Variants in CNBD1 observed in about 807,000 individuals in gnomAD.
CNBD1 encodes cyclic nucleotide binding domain containing 1.
CNBD1 carries 71 observed loss-of-function variants against 54.4 expected under a neutral mutation model. The observed-to-expected ratio is 1.30, with a 90% confidence interval of 1.08 to 1.59. The LOEUF (loss-of-function observed/expected upper bound fraction) is 1.59. CNBD1 is among the 40% of genes most tolerant of loss of function. CNBD1 has a pLI of 0.00. For synonymous variants in CNBD1, 182 were observed against 170.7 expected (o/e 1.07, Z -0.51); for missense variants, 659 against 518.0 (o/e 1.27, Z -2.64).
intron 4 of CNBD1, among the ~76,000 whole-genome samples, chr8:87,144,405 A>G (rs1812439025): frequency 6.6e-6 from 1 of 152,236 alleles, no homozygotes; most frequent in Non-Finnish European, 1.5e-5. Context: ...ATGACTTCAG[A>G]TATTGGAATG....
At chr8:87,154,949 G>A (rs1015328307) in intron 4 of CNBD1, among the ~76,000 whole-genome samples, 1 of 152,082 alleles carries the variant, frequency 6.6e-6, no homozygotes, top group Non-Finnish European at 1.5e-5. Context: ...GGTAAATTTA[G>A]GAGGAGTTAA....
intron 8 of CNBD1, among the ~76,000 whole-genome samples, chr8:87,323,942 C>T (rs370235582): frequency 4.3e-5 from 6 of 138,246 alleles, no homozygotes; most frequent in East Asian, 2.0e-4. Flanking sequence ...TGTGGGTTTG[C>T]CATAGATAGC....
intron 4 of CNBD1, among the ~76,000 whole-genome samples, chr8:87,015,283 T>C (rs563307667): frequency 3.1e-4 from 47 of 152,198 alleles, no homozygotes; most frequent in African/African-American, 9.6e-4. Context: ...CCCAGGTTCA[T>C]GCCATTCTCT....
chr8:86,867,034 C>T (rs1241715254), intron 1 of CNBD1, among the ~76,000 whole-genome samples: 2 of 151,986 alleles, frequency 1.3e-5, no homozygotes, highest in African/African-American at 4.8e-5. Flanking sequence ...AAGATAATTC[C>T]TACTATTCTG....
chr8:86,994,594 A>G (rs949024695), intron 4 of CNBD1, among the ~76,000 whole-genome samples: 1 of 152,206 alleles, frequency 6.6e-6, no homozygotes, highest in Non-Finnish European at 1.5e-5. Flanking sequence ...TAGCATCCCC[A>G]TGGTCCACAG....
intron 10 of CNBD1, among the ~76,000 whole-genome samples, chr8:87,375,958 T>G (rs142098180): frequency 7.2e-5 from 11 of 151,968 alleles, no homozygotes; most frequent in Non-Finnish European, 1.5e-4. Context: ...AGAATTGTAC[T>G]TTCTGCGATA....
chr8:87,230,263 C>T (rs1814648581), intron 5 of CNBD1, among the ~76,000 whole-genome samples: 2 of 152,190 alleles, frequency 1.3e-5, no homozygotes, highest in Admixed American at 6.5e-5. Flanking sequence ...GAGGCCACAT[C>T]TCCAACACTG....
At chr8:87,384,293 C>T (rs541841977), downstream of CNBD1, among the ~76,000 whole-genome samples, 11 of 152,156 alleles carry the variant, frequency 7.2e-5, no homozygotes, top group Non-Finnish European at 1.5e-4. Context: ...ATGTGACAGG[C>T]ACTCTTCTAA....
rs552925837 is a variant in CNBD1, at chr8:87,151,054, A to G, written c.432-54939A>G. Among the ~76,000 whole-genome samples, 12 of 152,340 alleles carry G rather than the reference A, an allele frequency of 7.9e-5. No homozygotes were observed. The South Asian group carries it at 2.5e-3, about 32-fold the overall frequency. ...TTTAAGGTTAATGCTGTCTTCTTCA[A>G]TTACCAGAGGAATTCACAGATCTAA... On this transcript the variant is annotated intron_variant, in intron 4 of 10. Transcript: ENST00000518476.
At chr8:87,243,378 G>A (rs547466418) in intron 6 of CNBD1, among the ~76,000 whole-genome samples, 2 of 152,276 alleles carry the variant, frequency 1.3e-5, no homozygotes, top group East Asian at 3.9e-4. Context: ...GGGATATCTT[G>A]GAAGAGTAAA....
chr8:87,375,400 T>A (rs955985182), intron 10 of CNBD1, among the ~76,000 whole-genome samples: 2 of 151,842 alleles, frequency 1.3e-5, no homozygotes, highest in African/African-American at 2.4e-5. Flanking sequence ...CAAAATTAAA[T>A]TTTGTAAACT....
Position 87,286,678 on chromosome 8 carries a change from T to G in CNBD1, c.1042+7T>G, listed in dbSNP as rs1808707644. 2 of 1,528,932 alleles carry G rather than the reference T, an allele frequency of 1.3e-6. No individual in the cohort carries two copies. The highest frequency in any genetic ancestry group is 1.8e-6 in the Non-Finnish European group (2 of 1,130,818). 94.7% of individuals were successfully genotyped at this position (1,528,932 alleles called of 1,614,324 possible). A position where few individuals can be genotyped will look rare whatever the true frequency, so the allele number is the denominator to read the frequency against. On this transcript the variant is annotated splice_region_variant and intron_variant, in intron 8 of 10. Coordinates refer to ENST00000518476, the MANE Select transcript of CNBD1 (RefSeq NM_173538.3). ...AAATTTCCTCCAGGTCATGGTAAGT[T>G]TAATGCAATTTAGATCATTTTGTTT...
At chr8:86,903,264 G>T (rs940732518) in intron 2 of CNBD1, among the ~76,000 whole-genome samples, 5 of 152,074 alleles carry the variant, frequency 3.3e-5, no homozygotes, top group African/African-American at 1.2e-4. Context: ...CACATAAAGT[G>T]TATAAGTGTA....
At chr8:87,108,164 A>C (rs1811580600) in intron 4 of CNBD1, among the ~76,000 whole-genome samples, 1 of 152,016 alleles carries the variant, frequency 6.6e-6, no homozygotes, top group Non-Finnish European at 1.5e-5. Flanking sequence ...GTGACATTAC[A>C]CTCATATTTC....
intron 6 of CNBD1, among the ~76,000 whole-genome samples, chr8:87,269,460 A>C (rs754791966): frequency 3.3e-5 from 5 of 152,250 alleles, no homozygotes; most frequent in Non-Finnish European, 5.9e-5. Flanking sequence ...CTGTGAAAAA[A>C]TGATGTTGGT....
In CNBD1 at chr8:87,382,676, T is replaced by C; in HGVS notation, c.*49T>C. ...ATTAATTAAGAAAGTATTGACTAAATAATGGAATAATTGCATTCTGGAATA... is the reference window on the plus strand; with the variant it reads ...ATTAATTAAGAAAGTATTGACTAAACAATGGAATAATTGCATTCTGGAATA... On this transcript the variant is annotated 3_prime_UTR_variant, in exon 11 of 11. Coordinates refer to ENST00000518476, the MANE Select transcript of CNBD1 (RefSeq NM_173538.3). The C allele has an allele frequency of 7.3e-7, 1 of 1,360,926 alleles. No homozygotes were observed. Among genetic ancestry groups the C allele is most frequent in the Non-Finnish European group, 1.0e-6 (1 of 980,028 alleles). 84.3% of individuals were successfully genotyped at this position (1,360,926 alleles called of 1,614,324 possible).
At chr8:86,965,892 G>A (rs889552960) in intron 4 of CNBD1, among the ~76,000 whole-genome samples, 1 of 152,060 alleles carries the variant, frequency 6.6e-6, no homozygotes, top group Non-Finnish European at 1.5e-5. Flanking sequence ...CCCTGGAGAG[G>A]GTGGCTTCTC....
At chr8:87,067,285 A>G (rs945559534) in intron 4 of CNBD1, among the ~76,000 whole-genome samples, 1 of 151,978 alleles carries the variant, frequency 6.6e-6, no homozygotes. Context: ...GAAAGAATAC[A>G]AAGATAAAGA....
intron 6 of CNBD1, among the ~76,000 whole-genome samples, chr8:87,276,265 A>G (rs552801362): frequency 1.3e-5 from 2 of 151,964 alleles, no homozygotes; most frequent in South Asian, 4.1e-4. Context: ...TTTTATTAAG[A>G]TGCTGTCATC....
Sources: gnomAD v4.1 joint callset for allele counts (sites outside exome capture counted in the v4.1 genomes callset) on GRCh38, gnomAD v4.1.1 for gene constraint, MANE v1.5 for transcripts, NCBI Gene and HGNC (gene_info 2026-07-23, HGNC 2026-07-21) for gene names.